The following MATK variants were observed in gnomAD, a reference collection of about 807,000 sequenced individuals.
MATK encodes the protein megakaryocyte-associated tyrosine-protein kinase.
Under a neutral mutation model 59.8 loss-of-function variants are expected in MATK, and 41 were observed. The observed-to-expected ratio is 0.69, with a 90% CI of 0.53 to 0.89. The LOEUF is 0.89. MATK is among the 40% of genes least tolerant of loss of function. The pLI, the probability that MATK is intolerant of heterozygous loss-of-function variation, is 0.00. For synonymous variants in MATK, 308 were observed against 306.1 expected, an observed-to-expected ratio of 1.01 and a Z score of -0.06; for missense variants, 593 against 719.6, an observed-to-expected ratio of 0.82 and a Z score of 2.01.
intron 9 of MATK, 37 bp from the exon 10 acceptor site, chr19:3,779,654 G>A: frequency 6.2e-7 from 1 of 1,608,472 alleles, no homozygotes; most frequent in Non-Finnish European, 8.5e-7. Context: ...GCAGGGCTGG[G>A]ACCCCCCCCG....
Position 3,786,258 on chromosome 19 carries a change from T to C in MATK, c.-241A>G, listed in dbSNP as rs2037482615. 2 of 985,070 alleles carry C rather than the reference T, an allele frequency of 2.0e-6. No individual in the cohort carries two copies. The highest frequency in any genetic ancestry group is 3.5e-5 in the African/African-American group (2 of 57,204). 61.0% of individuals were successfully genotyped at this position (985,070 alleles called of 1,614,324 possible). A position where few individuals can be genotyped will look rare whatever the true frequency, so the allele number is the denominator to read the frequency against. On this transcript the variant is annotated 5_prime_UTR_variant, in exon 1 of 14. Coordinates refer to ENST00000310132, the MANE Select transcript of MATK (RefSeq NM_139355.3). This position sits in a 1 kb window ranked among gnomAD's most constrained non-coding sequence, Gnocchi z 4.1. The stretch of plus-strand genomic sequence containing the variant: ...CTGCACACCCCGAGGCGGTCCCGGC[T>C]GCACAACTTGGAGCGAGTTGCTCCG...
At chr19:3,793,649 C>A (rs928015560) in intron 1 of MATK, among the ~76,000 whole-genome samples, 1 of 150,892 alleles carries the variant, frequency 6.6e-6, no homozygotes, top group Non-Finnish European at 1.5e-5. Context: ...TTGCACTGAG[C>A]GGAGATCACG....
rs4807509 is a variant in MATK at position 3,785,225 on chromosome 19, T to G, written c.-90A>C. On this transcript the variant is annotated 5_prime_UTR_variant, in exon 2 of 14. Transcript: ENST00000310132. ...CTGGGAATGGCCTGCCACAGGCCAG[T>G]CGGCTGGCACAGGAGGTAGGGAGCT... is the stretch of plus-strand genomic sequence containing the variant. The G allele has an allele frequency of 0.92, 1,475,517 of 1,597,888 alleles. 682,244 individuals are homozygous for G. The highest frequency in any genetic ancestry group is 0.97 in the Middle Eastern group (5,788 of 5,964).
At chr19:3,800,788 A>G (rs2037636425) in intron 1 of MATK, among the ~76,000 whole-genome samples, 1 of 152,246 alleles carries the variant, frequency 6.6e-6, no homozygotes, top group African/African-American at 2.4e-5. Flanking sequence ...GAAAAACCCA[A>G]TTCATGAGTA....
At chr19:3,792,213 C>A (rs2037549536) in intron 1 of MATK, among the ~76,000 whole-genome samples, 1 of 152,092 alleles carries the variant, frequency 6.6e-6, no homozygotes, top group Admixed American at 6.5e-5. Context: ...GGCCTGTAGA[C>A]TCCCCTGATT....
rs780442262 is a variant in MATK at position 3,778,528 on chromosome 19, C to T, written c.1265G>A (p.Arg422Gln). The T allele has an allele frequency of 4.3e-5, 70 of 1,613,714 alleles. No homozygotes were observed. The highest frequency in any genetic ancestry group is 8.0e-5 in the African/African-American group (6 of 74,914). The change falls in exon 13 of 14, where the codon CGG becomes CAG. Residue 422 changes from arginine (R) to glutamine (Q), a missense_variant. By Grantham distance (43) the Arg-to-Gln change is conservative. Transcript: ENST00000310132. ...VLLWEVFSYG[R>Q]APYPKMSLKE... ...GCTCACCATTTTAGGGTACGGAGCC[C>T]GTCCATATGAGAAGACCTCCCAGAG...
chr19:3,792,643 A>G (rs375988786), intron 1 of MATK, among the ~76,000 whole-genome samples: 1 of 150,784 alleles, frequency 6.6e-6, no homozygotes, highest in African/African-American at 2.4e-5. Flanking sequence ...CCTCCCGAGT[A>G]GGTGGTATTA....
upstream of MATK, among the ~76,000 whole-genome samples, chr19:3,788,118 T>C (rs1451224064): frequency 6.8e-6 from 1 of 146,630 alleles, no homozygotes; most frequent in Non-Finnish European, 1.5e-5. Context: ...TTATATTATA[T>C]TATATTATAT....
rs2037439636 is a variant in MATK at position 3,783,950 on chromosome 19, G to A, written c.446C>T (p.Ser149Phe). The A allele has an allele frequency of 6.2e-7, 1 of 1,612,514 alleles. No individual in the cohort carries two copies. The highest frequency in any genetic ancestry group is 8.5e-7 in the Non-Finnish European group (1 of 1,179,732). The change falls in exon 6 of 14, where the codon TCC becomes TTC. Residue 149 changes from serine to phenylalanine, a missense_variant. Physicochemically the swap from Ser to Phe is radical, Grantham distance 155 (BLOSUM62 -2). Coordinates refer to ENST00000310132, the MANE Select transcript of MATK (RefSeq NM_139355.3). ...PEDGLFLVRE[S>F]ARHPGDYVLC... Reference sequence around the variant, plus strand: ...GACGTAGTCGCCGGGGTGGCGCGCGGACTCCCGCACCAGGAACAGCCCATC... The same window carrying A: ...GACGTAGTCGCCGGGGTGGCGCGCGAACTCCCGCACCAGGAACAGCCCATC...
chr19:3,799,656 G>A (rs4807512), intron 1 of MATK, among the ~76,000 whole-genome samples: 18,490 of 151,660 alleles, frequency 0.12, 1,491 homozygotes, highest in Admixed American at 0.28. Context: ...TCTGGGCAAC[G>A]CAGTGAAACC....
rs969626002 is a variant in MATK, at chr19:3,784,138, C to T, written c.348G>A (p.Lys116=). The change falls in exon 5 of 14, where the codon AAG becomes AAA. Residue 116 remains lysine (K), a synonymous_variant. Coordinates refer to ENST00000310132, the MANE Select transcript of MATK (RefSeq NM_139355.3). Reference sequence around the variant, plus strand: ...TGCCCACTCACGGCATGAGGCTGAGCTTGGGGTCTGCGGAGAGGGCCTCCC... The same window carrying T: ...TGCCCACTCACGGCATGAGGCTGAGTTTGGGGTCTGCGGAGAGGGCCTCCC... ...REREALSADP[K]LSLMPWFHGK... 2 of 1,611,164 alleles carry T rather than the reference C, an allele frequency of 1.2e-6. No homozygotes were observed. Among genetic ancestry groups the T allele is most frequent in the Non-Finnish European group, 1.7e-6 (2 of 1,178,456 alleles).
upstream of MATK, among the ~76,000 whole-genome samples, chr19:3,791,349 C>T (rs563513100): frequency 2.1e-4 from 32 of 149,918 alleles, no homozygotes; most frequent in Non-Finnish European, 4.3e-4. Context: ...CACCTCCCCC[C>T]ACTTTTTTTT....
At chr19:3,778,912 G>T in intron 12 of MATK, 80 bp downstream of exon 12, 2 of 1,387,832 alleles carry the variant, frequency 1.4e-6, no homozygotes, top group Non-Finnish European at 1.9e-6. Flanking sequence ...GTTTCAGAGA[G>T]GCCAAGGGAC....
Position 3,784,236 on chromosome 19 carries a change from T to C in MATK, c.250A>G (p.Lys84Glu). 6.2e-7 allele frequency: 1 copy of C among 1,611,080 alleles called. No individual in the cohort carries two copies. The highest frequency in any genetic ancestry group is 8.5e-7 in the Non-Finnish European group (1 of 1,177,936). ...TGGTGCTTGACGCGGTACCAGCTCTTGTTCTGCCAGGGAGGAAGCACGGGG... is the reference window on the plus strand; with the variant it reads ...TGGTGCTTGACGCGGTACCAGCTCTCGTTCTGCCAGGGAGGAAGCACGGGG... ...VVTILEACEN[K>E]SWYRVKHHTS... Residue 84 changes from lysine (K) to glutamate (E), a missense_variant, in exon 5 of 14, where the codon AAG (lysine) becomes GAG (glutamate). Coordinates refer to ENST00000310132, the MANE Select transcript of MATK (RefSeq NM_139355.3).
In MATK at chr19:3,781,611, A is replaced by C; in HGVS notation, c.738T>G (p.Phe246Leu). 6.2e-7 allele frequency: 1 copy of C among 1,613,866 alleles called. No homozygotes were observed. The highest frequency in any genetic ancestry group is 8.5e-7 in the Non-Finnish European group (1 of 1,179,930). ...TLGAQIGEGEFGAVLQGEYLG... is the reference protein window; with the variant it reads ...TLGAQIGEGELGAVLQGEYLG... ...CCAACCCAGTCCGCCACTCACCTCC[A>C]AACTCTCCCTCTCCGATCTGTGCTC... The change falls in exon 8 of 14, where the codon TTT becomes TTG. Residue 246 changes from phenylalanine to leucine, a missense_variant. Transcript: ENST00000310132.
At chr19:3,789,141 G>A (rs1020923948), upstream of MATK, 10 of 572,174 alleles carry the variant, frequency 1.7e-5, no homozygotes, top group East Asian at 3.0e-5. Flanking sequence ...GGCTGGGGAC[G>A]CTGCAGCTGT....
At chr19:3,798,818 T>C (rs944019430) in intron 1 of MATK, among the ~76,000 whole-genome samples, 2 of 151,578 alleles carry the variant, frequency 1.3e-5, no homozygotes, top group African/African-American at 4.9e-5. Context: ...GGCCTGTTTT[T>C]TTTTTAAGGC....
At position 3,786,231 on chromosome 19, in the gene MATK, G is replaced by A; in HGVS notation, c.-214C>T. ...GCCCCCAGGAGGGCCTCCGCGAGCCGGCTGCACACCCCGAGGCGGTCCCGG... is the reference window on the plus strand; with the variant it reads ...GCCCCCAGGAGGGCCTCCGCGAGCCAGCTGCACACCCCGAGGCGGTCCCGG... On this transcript the variant is annotated 5_prime_UTR_variant, in exon 1 of 14. Transcript: ENST00000310132. This position sits in a 1 kb window ranked among gnomAD's most constrained non-coding sequence, Gnocchi z 4.1. The A allele has an allele frequency of 1.0e-6, 1 of 985,286 alleles. No individual in the cohort carries two copies. The highest frequency in any genetic ancestry group is 1.2e-6 in the Non-Finnish European group (1 of 829,924). 61.0% of individuals were successfully genotyped at this position (985,286 alleles called of 1,614,324 possible). A position where few individuals can be genotyped will look rare whatever the true frequency, so the allele number is the denominator to read the frequency against.
upstream of MATK, among the ~76,000 whole-genome samples, chr19:3,788,018 C>T (rs185115637): frequency 8.6e-5 from 13 of 150,616 alleles, no homozygotes; most frequent in East Asian, 2.5e-3. Context: ...CTGCCTCAGC[C>T]TCCTGAGTAG....
Sources: gnomAD v4.1 joint callset for allele counts (sites outside exome capture counted in the v4.1 genomes callset) on GRCh38, gnomAD v4.1.1 for gene constraint, Gnocchi (gnomAD v3.1) non-coding constraint, MANE v1.5 for transcripts, NCBI Gene and HGNC (gene_info 2026-07-23, HGNC 2026-07-21) for gene names.